NRG1: variants seen among roughly 807,000 people sequenced by gnomAD.
NRG1 encodes neuregulin 1, also known as pro-neuregulin-1, membrane-bound isoform.
In NRG1, 18 loss-of-function variants were observed where a neutral mutation model predicts 63.8. That is an observed-to-expected ratio of 0.28 (90% CI 0.19 to 0.42). The LOEUF (loss-of-function observed/expected upper bound fraction) is 0.42. Ranked by LOEUF, NRG1 falls within the 10% of genes least tolerant of loss-of-function variation. The pLI is 1.00. For missense variants in NRG1, 762 were observed against 814.7 expected, an observed-to-expected ratio of 0.94 and a Z score of 0.79; for synonymous variants, 302 against 301.3, an observed-to-expected ratio of 1.00 and a Z score of -0.02.
intron 1 of NRG1, among the ~76,000 whole-genome samples, chr8:31,735,724 A>C (rs1349900303): frequency 6.6e-6 from 1 of 152,154 alleles, no homozygotes; most frequent in African/African-American, 2.4e-5. Flanking sequence ...TTAACTTTTT[A>C]GCATTATGCA....
chr8:32,730,780 A>C (rs1823457726), intron 6 of NRG1, among the ~76,000 whole-genome samples: 1 of 152,176 alleles, frequency 6.6e-6, no homozygotes, highest in Admixed American at 6.5e-5. Context: ...TGAGAATTGT[A>C]ATCTATAAAA....
intron 1 of NRG1, among the ~76,000 whole-genome samples, chr8:31,868,707 T>G (rs1829212305): frequency 6.6e-6 from 1 of 152,224 alleles, no homozygotes; most frequent in Admixed American, 6.5e-5. Context: ...CACCGTGCAC[T>G]GTCTGTTGCC....
intron 1 of NRG1, among the ~76,000 whole-genome samples, chr8:32,076,934 G>T (rs1052240573): frequency 4.6e-5 from 7 of 152,100 alleles, no homozygotes; most frequent in Non-Finnish European, 1.0e-4. Flanking sequence ...GTCCTAAAGG[G>T]TACAAGGAAA....
chr8:32,316,616 A>G (rs1447831906), intron 1 of NRG1, among the ~76,000 whole-genome samples: 3 of 152,134 alleles, frequency 2.0e-5, no homozygotes, highest in African/African-American at 7.2e-5. Context: ...TCCTTTTCAT[A>G]CAGGTTATTG....
chr8:32,645,196 A>G (rs1180395003), intron 5 of NRG1, among the ~76,000 whole-genome samples: 4 of 152,232 alleles, frequency 2.6e-5, no homozygotes, highest in African/African-American at 7.2e-5. Context: ...AATGCTTTAA[A>G]TGCTTCAATA....
chr8:31,976,660 T>TGG (rs1408856727), intron 1 of NRG1, among the ~76,000 whole-genome samples: 2 of 54,646 alleles, frequency 3.7e-5, no homozygotes, highest in African/African-American at 1.0e-4. Context: ...GGATCTGCCA[T>TGG]GGGTGTGTGT....
At chr8:31,849,434 A>G (rs1586794906) in intron 1 of NRG1, among the ~76,000 whole-genome samples, 1 of 152,364 alleles carries the variant, frequency 6.6e-6, no homozygotes, top group East Asian at 1.9e-4. Flanking sequence ...CTCATTTCAG[A>G]CAACATATAT....
chr8:32,529,233 A>T (rs1831196393), intron 1 of NRG1, among the ~76,000 whole-genome samples: 1 of 152,240 alleles, frequency 6.6e-6, no homozygotes, highest in African/African-American at 2.4e-5. Context: ...TAGAAAAGGT[A>T]CAGAAAAATG....
intron 1 of NRG1, among the ~76,000 whole-genome samples, chr8:31,854,364 T>C (rs1827609789): frequency 6.6e-6 from 1 of 152,238 alleles, no homozygotes. Context: ...TCCAGAAATT[T>C]ATCCATTTCT....
intron 1 of NRG1, among the ~76,000 whole-genome samples, chr8:31,658,094 A>G (rs11782304): frequency 0.16 from 24,396 of 152,278 alleles, 2,644 homozygotes; most frequent in Non-Finnish European, 0.24. Flanking sequence ...ACTGTCTTCA[A>G]TATTCTACAA....
At chr8:32,417,469 G>A (rs1816080824) in intron 1 of NRG1, among the ~76,000 whole-genome samples, 1 of 152,092 alleles carries the variant, frequency 6.6e-6, no homozygotes. Context: ...TTATAGGATA[G>A]AATGTATATC....
At chr8:32,665,729 C>T (rs548045903) in intron 5 of NRG1, among the ~76,000 whole-genome samples, 3 of 152,108 alleles carry the variant, frequency 2.0e-5, no homozygotes, top group African/African-American at 2.4e-5. Context: ...TGATATTAGA[C>T]GTGTATCAAG....
At chr8:32,177,320 G>T (rs1255247307) in intron 1 of NRG1, among the ~76,000 whole-genome samples, 2 of 148,770 alleles carry the variant, frequency 1.3e-5, no homozygotes, top group East Asian at 4.1e-4. Flanking sequence ...ACACACTGGG[G>T]CCTGTTGTGG....
At chr8:31,771,183 C>T (rs1401651773) in intron 1 of NRG1, among the ~76,000 whole-genome samples, 2 of 152,114 alleles carry the variant, frequency 1.3e-5, no homozygotes, top group East Asian at 3.9e-4. Flanking sequence ...GCCTGGCAGC[C>T]ACTAATCTCC....
At position 32,147,938 on chromosome 8, in the gene NRG1, T is replaced by C. The variant is rs544277561; in HGVS notation, c.38-447890T>C. 3.3e-5 allele frequency among the ~76,000 whole-genome samples: 5 copies of C among 152,242 alleles called. No individual in the cohort carries two copies. In the South Asian group the frequency reaches 1.0e-3, roughly 32 times the overall value. On this transcript the variant is annotated intron_variant, in intron 1 of 10. Transcript: ENST00000519301. The stretch of plus-strand genomic sequence containing the variant: ...TGTGTAATTTACCCCTCTCCAAAAA[T>C]AAAACTTATAAAATGGGGATGATAA...
At chr8:32,132,999 C>G (rs906484117) in intron 1 of NRG1, among the ~76,000 whole-genome samples, 1 of 151,698 alleles carries the variant, frequency 6.6e-6, no homozygotes, top group African/African-American at 2.4e-5. Context: ...TCCCACTCCT[C>G]CCCCCTTTCC....
intron 7 of NRG1, among the ~76,000 whole-genome samples, chr8:32,744,006 G>A (rs577137021): frequency 1.3e-5 from 2 of 152,094 alleles, no homozygotes; most frequent in South Asian, 4.2e-4. Flanking sequence ...ACAGTGGGCT[G>A]GATTTGTCAA....
At chr8:32,503,435 C>G (rs561130006) in intron 1 of NRG1, among the ~76,000 whole-genome samples, 1 of 150,780 alleles carries the variant, frequency 6.6e-6, no homozygotes, top group South Asian at 2.1e-4. Context: ...TTTAAGATTT[C>G]AAGTAACCAA....
intron 1 of NRG1, among the ~76,000 whole-genome samples, chr8:32,585,756 T>C (rs1841508499): frequency 6.6e-6 from 1 of 152,234 alleles, no homozygotes; most frequent in Non-Finnish European, 1.5e-5. Flanking sequence ...ATCTACTGTA[T>C]TTCTCAGACT....
Sources: gnomAD v4.1 joint callset for allele counts (sites outside exome capture counted in the v4.1 genomes callset) on GRCh38, gnomAD v4.1.1 for gene constraint, MANE v1.5 for transcripts, NCBI Gene and HGNC (gene_info 2026-07-23, HGNC 2026-07-21) for gene names.